The following PARD3 variants were observed in gnomAD, a reference collection of about 807,000 sequenced individuals.
The protein encoded by PARD3 is partitioning defective 3 homolog.
In PARD3, 75 loss-of-function variants were observed where a neutral mutation model predicts 155.4. That is an observed-to-expected ratio of 0.48 (90% confidence interval 0.40 to 0.58). The LOEUF (loss-of-function observed/expected upper bound fraction) is 0.58, where lower values mean the gene tolerates loss of function less well. Among genes scored for constraint, PARD3 ranks in the 20% least tolerant of loss-of-function variants. The pLI is 0.00. For synonymous variants in PARD3, 576 were observed against 610.5 expected (o/e 0.94, Z 0.83); for missense variants, 1,642 against 1,721.7 (o/e 0.95, Z 0.82).
intron 1 of PARD3, among the ~76,000 whole-genome samples, chr10:34,755,410 C>T (rs1836587150): frequency 6.6e-6 from 1 of 151,310 alleles, no homozygotes; most frequent in Non-Finnish European, 1.5e-5. Flanking sequence ...GAAACTCTGT[C>T]TCAAAAAAAA....
At chr10:34,362,871 C>T (rs1839592139) in intron 12 of PARD3, among the ~76,000 whole-genome samples, 2 of 152,112 alleles carry the variant, frequency 1.3e-5, no homozygotes, top group African/African-American at 2.4e-5. Flanking sequence ...ATATAAAGTA[C>T]GGTAAATTTT....
intron 5 of PARD3, among the ~76,000 whole-genome samples, chr10:34,406,096 C>G (rs1844442656): frequency 6.6e-6 from 1 of 152,104 alleles, no homozygotes; most frequent in Non-Finnish European, 1.5e-5. Flanking sequence ...AAAGGATTGA[C>G]AAATGATGTG....
Position 34,481,093 on chromosome 10 carries a change from C to T in PARD3, c.404-10830G>A, listed in dbSNP as rs564214024. ...CTGGGGTTACAGGTGTGAGCCACCA[C>T]GCCCAGCCCCTGCAGGTTTCTAATA... is the stretch of plus-strand genomic sequence containing the variant. On this transcript the variant is annotated intron_variant, in intron 3 of 24. Transcript: ENST00000374788. Among the ~76,000 whole-genome samples, 257 of 152,290 alleles carry T rather than the reference C, an allele frequency of 1.7e-3. 2 individuals are homozygous for T. Among genetic ancestry groups the T allele is most frequent in the African/African-American group, 5.9e-3 (244 of 41,564 alleles).
intron 22 of PARD3, among the ~76,000 whole-genome samples, chr10:34,175,187 T>C (rs1949980124): frequency 6.6e-6 from 1 of 152,240 alleles, no homozygotes; most frequent in Non-Finnish European, 1.5e-5. Context: ...TGCCTTTATA[T>C]ACACAAAACC....
chr10:34,789,264 C>G (rs962842404), intron 1 of PARD3, among the ~76,000 whole-genome samples: 5 of 152,230 alleles, frequency 3.3e-5, no homozygotes, highest in African/African-American at 1.2e-4. Context: ...CCGCAGCACT[C>G]CAGCCTGGGC....
At chr10:34,468,373 G>A (rs2078138957) in intron 4 of PARD3, among the ~76,000 whole-genome samples, 1 of 152,124 alleles carries the variant, frequency 6.6e-6, no homozygotes, top group Non-Finnish European at 1.5e-5. Flanking sequence ...TGAATGACTT[G>A]AAAAGAAACT....
chr10:34,798,522 T>C (rs182273962), intron 1 of PARD3, among the ~76,000 whole-genome samples: 15 of 151,706 alleles, frequency 9.9e-5, no homozygotes, highest in South Asian at 4.2e-4. Context: ...CTGACCAACA[T>C]GGTGAAACTG....
At chr10:34,446,605 A>G (rs572133185) in intron 5 of PARD3, among the ~76,000 whole-genome samples, 6 of 152,244 alleles carry the variant, frequency 3.9e-5, no homozygotes, top group Non-Finnish European at 7.3e-5. Flanking sequence ...AGTAATAATA[A>G]GATACTAATA....
intron 15 of PARD3, chr10:34,344,835 A>AAT: frequency 1.0e-6 from 1 of 985,446 alleles, no homozygotes; most frequent in South Asian, 4.7e-5. Flanking sequence ...GACTCATGAT[A>AAT]AAGAAAAACA....
intron 2 of PARD3, among the ~76,000 whole-genome samples, chr10:34,588,830 A>G (rs2088361455): frequency 6.6e-6 from 1 of 152,208 alleles, no homozygotes; most frequent in Non-Finnish European, 1.5e-5. Flanking sequence ...CATGCTAGAA[A>G]TGCATGATCT....
intron 20 of PARD3, among the ~76,000 whole-genome samples, chr10:34,303,197 A>G (rs1405720821): frequency 7.2e-6 from 1 of 139,542 alleles, no homozygotes; most frequent in African/African-American, 3.1e-5. Context: ...AAGGCAGGTA[A>G]AACTTTATGT....
chr10:34,427,049 G>A (rs979592845), intron 5 of PARD3, among the ~76,000 whole-genome samples: 3 of 152,164 alleles, frequency 2.0e-5, no homozygotes. Flanking sequence ...ATCTTTGTAA[G>A]CTGAGGATGT....
At chr10:34,212,967 C>A (rs1951826895) in intron 22 of PARD3, among the ~76,000 whole-genome samples, 1 of 152,100 alleles carries the variant, frequency 6.6e-6, no homozygotes, top group Non-Finnish European at 1.5e-5. Flanking sequence ...CTTCAGTCAC[C>A]CTAAAAATTC....
intron 2 of PARD3, among the ~76,000 whole-genome samples, chr10:34,552,533 C>T (rs373082458): frequency 1.3e-5 from 2 of 152,140 alleles, no homozygotes; most frequent in African/African-American, 4.8e-5. Context: ...CATGGTGAAA[C>T]ACCATCTCTA....
chr10:34,476,013 C>T (rs1222960067), intron 3 of PARD3, among the ~76,000 whole-genome samples: 1 of 151,952 alleles, frequency 6.6e-6, no homozygotes, highest in African/African-American at 2.4e-5. Context: ...AGAAGCTGGG[C>T]GTGGTGGCTC....
chr10:34,324,002 T>C (rs140901251), intron 19 of PARD3, among the ~76,000 whole-genome samples: 1 of 152,280 alleles, frequency 6.6e-6, no homozygotes, highest in East Asian at 1.9e-4. Flanking sequence ...AACCCTACAG[T>C]TGGAATTGCC....
intron 2 of PARD3, among the ~76,000 whole-genome samples, chr10:34,600,431 C>T (rs905052257): frequency 6.6e-6 from 1 of 151,788 alleles, no homozygotes; most frequent in African/African-American, 2.4e-5. Flanking sequence ...TTATGGAACA[C>T]ATGCAGAATG....
chr10:34,689,986 C>T (rs966125563), intron 2 of PARD3, among the ~76,000 whole-genome samples: 8 of 152,004 alleles, frequency 5.3e-5, no homozygotes, highest in African/African-American at 1.9e-4. Context: ...GCTATGTCGC[C>T]CAGGCTGGAG....
rs549740533 is a variant in PARD3 at position 34,336,445 on chromosome 10, T to C, written c.2561-202A>G. Reference sequence around the variant, plus strand: ...TCCATGCAATATGCCAGTCATTTCATTTCACAGACATGTGTGTTATATGTT... The same window carrying C: ...TCCATGCAATATGCCAGTCATTTCACTTCACAGACATGTGTGTTATATGTT... On this transcript the variant is annotated intron_variant, in intron 17 of 24. Transcript: ENST00000374788. 6 of 528,360 alleles carry C rather than the reference T, an allele frequency of 1.1e-5. No individual in the cohort carries two copies. The South Asian group carries it at 1.5e-4, about 14-fold the overall frequency. The allele number at this position is 528,360 out of a possible 1,614,324, so 32.7% of individuals were successfully genotyped here.
Sources: allele counts gnomAD v4.1 joint callset (sites outside exome capture counted in the v4.1 genomes callset), GRCh38; gene constraint gnomAD v4.1.1; transcripts MANE v1.5; gene names NCBI Gene and HGNC (gene_info 2026-07-23, HGNC 2026-07-21).